The following HFM1 variants were observed in gnomAD, a reference collection of about 807,000 sequenced individuals.
The protein encoded by HFM1 is probable ATP-dependent DNA helicase HFM1.
Under a neutral mutation model 192.1 loss-of-function variants are expected in HFM1, and 169 were observed. That is an observed-to-expected ratio of 0.88 (90% CI 0.78 to 1.00). The LOEUF (loss-of-function observed/expected upper bound fraction) is 1.00. HFM1 is among the 50% of genes least tolerant of loss of function. The pLI, the probability that HFM1 is intolerant of heterozygous loss-of-function variation, is 0.00. For missense variants in HFM1, 1,661 were observed against 1,668.0 expected, an observed-to-expected ratio of 1.00 and a Z score of 0.07; for synonymous variants, 525 against 537.8, an observed-to-expected ratio of 0.98 and a Z score of 0.33.
chr1:91,378,292 C>G, intron 10 of HFM1, 109 bp from the exon 11 acceptor site: 1 of 1,234,130 alleles, frequency 8.1e-7, no homozygotes, highest in Non-Finnish European at 1.1e-6. Flanking sequence ...TGAGCATTTT[C>G]CACTTGAAGG....
chr1:91,298,621 G>C (rs1014540304), intron 30 of HFM1, among the ~76,000 whole-genome samples: 5 of 152,104 alleles, frequency 3.3e-5, no homozygotes, highest in Admixed American at 6.6e-5. Flanking sequence ...GAAGAGAGTG[G>C]GGGCAAATAT....
Position 91,262,382 on chromosome 1 carries a change from T to C in HFM1, c.4097A>G (p.Gln1366Arg). Residue 1366 changes from glutamine to arginine, a missense_variant, in exon 38 of 39, where the codon CAA (glutamine) becomes CGA (arginine). Physicochemically the swap from Gln to Arg is conservative, Grantham distance 43. Coordinates refer to ENST00000370425, the MANE Select transcript of HFM1 (RefSeq NM_001017975.6). The part of the protein sequence containing the change: ...QAGNAVIVHF[Q>R]ERKPQNLSPE... ...TGACAGATTTTGTGGTTTTCTTTCT[T>C]GAAAATGGACCTACATTTGAGATAA... The C allele has an allele frequency of 1.9e-6, 3 of 1,576,052 alleles. No individual in the cohort carries two copies. Among genetic ancestry groups the C allele is most frequent in the Non-Finnish European group, 2.6e-6 (3 of 1,161,100 alleles).
At chr1:91,282,934 G>T (rs534297770) in intron 30 of HFM1, among the ~76,000 whole-genome samples, 1 of 152,288 alleles carries the variant, frequency 6.6e-6, no homozygotes, top group South Asian at 2.1e-4. Flanking sequence ...CAGCAACTAG[G>T]ATCTGGGACT....
rs1395586988 is a variant in HFM1, at chr1:91,262,561, A to T, written c.4006T>A (p.Ser1336Thr). 1.9e-6 allele frequency: 3 copies of T among 1,604,676 alleles called. No homozygotes were observed. Among genetic ancestry groups the T allele is most frequent in the Admixed American group, 3.3e-5 (2 of 59,706 alleles). ...TTGGGCATAGCAGAATTTGATAAAG[A>T]AATATCCGACATCTCATGTGATGAA... ...FVSSHEMSDI[S>T]LSNSAMPKFS... Residue 1336 changes from serine (S) to threonine (T), a missense_variant, in exon 37 of 39, where the codon TCT (serine) becomes ACT (threonine). Physicochemically the swap from Ser to Thr is moderately conservative, Grantham distance 58. Coordinates refer to ENST00000370425, the MANE Select transcript of HFM1 (RefSeq NM_001017975.6).
intron 20 of HFM1, among the ~76,000 whole-genome samples, chr1:91,332,429 C>A (rs998690344): frequency 1.2e-4 from 18 of 152,114 alleles, no homozygotes; most frequent in African/African-American, 4.3e-4. Flanking sequence ...GACCCCCTAT[C>A]TCTTGATATA....
At chr1:91,309,623 G>C (rs1196774352) in intron 30 of HFM1, among the ~76,000 whole-genome samples, 2 of 152,138 alleles carry the variant, frequency 1.3e-5, no homozygotes, top group African/African-American at 2.4e-5. Context: ...GTCTGATGCT[G>C]CTATTCTCAG....
chr1:91,275,919 T>C (rs890705705), intron 32 of HFM1, among the ~76,000 whole-genome samples: 4 of 152,176 alleles, frequency 2.6e-5, no homozygotes, highest in African/African-American at 4.8e-5. Context: ...AGTACTTTCA[T>C]GATAAAGTCT....
chr1:91,269,026 T>C (rs1016463714), intron 34 of HFM1, among the ~76,000 whole-genome samples: 1 of 152,096 alleles, frequency 6.6e-6, no homozygotes, highest in African/African-American at 2.4e-5. Context: ...ATGGCTACAA[T>C]AACAACACAC....
chr1:91,310,643 T>G (rs545553334), intron 30 of HFM1, among the ~76,000 whole-genome samples: 3 of 152,184 alleles, frequency 2.0e-5, no homozygotes, highest in African/African-American at 7.2e-5. Flanking sequence ...GGGGAGGTAA[T>G]TGAATCATGG....
chr1:91,306,309 G>A (rs1649596306), intron 30 of HFM1, among the ~76,000 whole-genome samples: 1 of 152,124 alleles, frequency 6.6e-6, no homozygotes, highest in African/African-American at 2.4e-5. Flanking sequence ...TCTAGCCTGG[G>A]CAACAAGGGT....
At chr1:91,324,904 G>A (rs1652658132) in intron 20 of HFM1, 138 bp from the exon 21 acceptor site, 1 of 659,338 alleles carries the variant, frequency 1.5e-6, no homozygotes, top group African/African-American at 1.8e-5. Context: ...CTCACTGCAG[G>A]AACACCAAAT....
intron 25 of HFM1, among the ~76,000 whole-genome samples, chr1:91,318,161 G>A (rs1651538515): frequency 6.6e-6 from 1 of 152,096 alleles, no homozygotes; most frequent in South Asian, 2.1e-4. Context: ...CAGGACTTCT[G>A]TAAGAAGGTG....
intron 20 of HFM1, among the ~76,000 whole-genome samples, chr1:91,335,475 C>A (rs1654438910): frequency 6.6e-6 from 1 of 151,710 alleles, no homozygotes; most frequent in Non-Finnish European, 1.5e-5. Context: ...AAAAACATAA[C>A]CTAGAAAGGA....
intron 32 of HFM1, among the ~76,000 whole-genome samples, chr1:91,275,932 T>A (rs1253779149): frequency 1.3e-5 from 2 of 152,176 alleles, no homozygotes; most frequent in Non-Finnish European, 2.9e-5. Context: ...TAAAGTCTAA[T>A]CCCTTAAAAT....
At position 91,313,372 on chromosome 1, in the gene HFM1, G is replaced by C. The variant is rs781020900; in HGVS notation, c.3368C>G (p.Ser1123Cys). 17 of 1,581,356 alleles carry C rather than the reference G, an allele frequency of 1.1e-5. No individual in the cohort carries two copies. The highest frequency in any genetic ancestry group is 1.7e-4 in the Middle Eastern group (1 of 5,978). Reference protein sequence around the residue: ...QISHSKHSDISTIAGPNKGTT... With the variant: ...QISHSKHSDICTIAGPNKGTT... ...ACCTTTATTAGGTCCTGCTATTGTA[G>C]ATATGTCTGAATGTTTAGAATGGGA... Residue 1123 changes from serine (S) to cysteine (C), a missense_variant, in exon 30 of 39, where the codon TCT becomes TGT. Ser to Cys is a moderately radical substitution (Grantham distance 112). Transcript: ENST00000370425.
chr1:91,328,534 G>C (rs7541566), intron 20 of HFM1: 379,008 of 1,610,260 alleles, frequency 0.24, 48,601 homozygotes, highest in East Asian at 0.55. Flanking sequence ...GGGTGGGGAT[G>C]TGCTGCAGAA....
chr1:91,329,995 G>A (rs548930178), intron 20 of HFM1, among the ~76,000 whole-genome samples: 1 of 152,292 alleles, frequency 6.6e-6, no homozygotes, highest in South Asian at 2.1e-4. Flanking sequence ...CAGATGGGAG[G>A]AACTGCTGAG....
At chr1:91,396,169 G>T in intron 3 of HFM1, 124 bp downstream of exon 3, 6 of 474,604 alleles carry the variant, frequency 1.3e-5, no homozygotes, top group Non-Finnish European at 2.3e-5. Context: ...TACATATTTT[G>T]GGGGCATATG....
intron 20 of HFM1, among the ~76,000 whole-genome samples, chr1:91,342,377 T>C (rs919198206): frequency 2.0e-5 from 3 of 152,260 alleles, no homozygotes; most frequent in South Asian, 2.1e-4. Context: ...TCTTCTGGCC[T>C]TTCCCTGAAG....
Sources: allele counts gnomAD v4.1 joint callset (sites outside exome capture counted in the v4.1 genomes callset), GRCh38; gene constraint gnomAD v4.1.1; transcripts MANE v1.5; gene names NCBI Gene and HGNC (gene_info 2026-07-23, HGNC 2026-07-21).